SCN3A: variants seen among roughly 807,000 people sequenced by gnomAD.
The protein encoded by SCN3A is sodium channel protein type 3 subunit alpha.
A neutral mutation model predicts 187.6 loss-of-function variants in SCN3A; 60 were observed. That is an observed-to-expected ratio of 0.32 (90% confidence interval 0.26 to 0.40). The LOEUF is 0.40. Ranked by LOEUF, SCN3A falls within the 10% of genes least tolerant of loss-of-function variation. SCN3A has a pLI of 1.00. For missense variants in SCN3A, 1,601 were observed against 2,428.2 expected (o/e 0.66, Z 7.16); for synonymous variants, 788 against 829.2 (o/e 0.95, Z 0.85).
intron 15 of SCN3A, among the ~76,000 whole-genome samples, chr2:165,133,500 C>T (rs1189054137): frequency 2.0e-5 from 3 of 151,758 alleles, no homozygotes; most frequent in Non-Finnish European, 2.9e-5. Flanking sequence ...ACCTACCATG[C>T]CCAGCTAATT....
chr2:165,143,049 G>T (rs1346293291), intron 12 of SCN3A, among the ~76,000 whole-genome samples: 1 of 152,094 alleles, frequency 6.6e-6, no homozygotes, highest in Non-Finnish European at 1.5e-5. Context: ...ACCATGCCCA[G>T]CCCAGAACTA....
intron 1 of SCN3A, among the ~76,000 whole-genome samples, chr2:165,191,228 G>A (rs917172266): frequency 6.6e-6 from 1 of 151,860 alleles, no homozygotes; most frequent in Admixed American, 6.6e-5. Context: ...ATGATTTACA[G>A]CAGTATTACA....
At chr2:165,172,678 A>C (rs1690178384) in intron 3 of SCN3A, among the ~76,000 whole-genome samples, 1 of 152,156 alleles carries the variant, frequency 6.6e-6, no homozygotes, top group South Asian at 2.1e-4. Flanking sequence ...ATCTCCAAAA[A>C]CAGAGTGAAC....
intron 2 of SCN3A, among the ~76,000 whole-genome samples, chr2:165,180,924 CG>C (rs1174337970): frequency 6.6e-6 from 1 of 151,822 alleles, no homozygotes; most frequent in Non-Finnish European, 1.5e-5. Flanking sequence ...TTTTGTTTAT[CG>C]GGGGACTTAG....
At chr2:165,153,218 G>T (rs1358760712) in intron 11 of SCN3A, among the ~76,000 whole-genome samples, 1 of 152,024 alleles carries the variant, frequency 6.6e-6, no homozygotes, top group East Asian at 1.9e-4. Context: ...TTGTTTTTAT[G>T]CAGTTGGAAT....
intron 5 of SCN3A, among the ~76,000 whole-genome samples, chr2:165,166,089 G>A (rs1446576): frequency 0.23 from 34,367 of 152,062 alleles, 5,083 homozygotes; most frequent in East Asian, 0.52. Flanking sequence ...TCTGTTTCTT[G>A]TATTAGTGGT....
intron 19 of SCN3A, among the ~76,000 whole-genome samples, chr2:165,114,389 C>T (rs916393934): frequency 6.6e-6 from 1 of 152,190 alleles, no homozygotes; most frequent in South Asian, 2.1e-4. Context: ...ATCTCGCTGT[C>T]TTCCCAGGCA....
chr2:165,140,832 A>G lies in SCN3A; in HGVS notation c.1838T>C (p.Val613Ala). 2 of 1,614,140 alleles carry G rather than the reference A, an allele frequency of 1.2e-6. No individual in the cohort carries two copies. Among genetic ancestry groups the G allele is most frequent in the African/African-American group, 2.7e-5 (2 of 75,052 alleles). ...GCGTCGCTCTCCATGTCTGTGCGGC[A>G]CAAACAGTGAGTCTCTCCTGCTTTC... Reference protein sequence around the residue: ...DSESRRDSLFVPHRHGERRNS... With the variant: ...DSESRRDSLFAPHRHGERRNS... Residue 613 changes from valine to alanine, a missense_variant, in exon 13 of 28, where the codon GTG becomes GCG. This residue lies in a region of SCN3A where 376 missense variants were observed against 476.0 expected (regional missense o/e 0.79). Transcript: ENST00000283254. This position sits in a 1 kb window ranked among gnomAD's most constrained non-coding sequence, Gnocchi z 4.2.
chr2:165,130,299 G>A lies in SCN3A; in HGVS notation c.2566-3C>T. On this transcript the variant is annotated splice_polypyrimidine_tract_variant and splice_region_variant and intron_variant, in intron 16 of 27. Transcript: ENST00000283254. ...TTTGCCAACTTGAAAACTCTAAGCT[G>A]TAATCAAGTGAAAAGATGCTGTTAG... 7 of 1,613,478 alleles carry A rather than the reference G, an allele frequency of 4.3e-6. No homozygotes were observed. Among genetic ancestry groups the A allele is most frequent in the East Asian group, 2.2e-5 (1 of 44,876 alleles).
rs769077073 is a variant in SCN3A, at chr2:165,155,832, G to T, written c.1103C>A (p.Thr368Asn). The T allele has an allele frequency of 1.9e-6, 3 of 1,614,104 alleles. No individual in the cohort carries two copies. In the South Asian group the frequency reaches 3.3e-5, roughly 18 times the overall value. ...NPNYGYTSFD[T>N]FSWAFLSLFR... The stretch of plus-strand genomic sequence containing the variant: ...TAGAGACAGGAAAGCCCAGCTAAAG[G>T]TGTCAAAGCTTGTGTAGCCATAGTT... The change falls in exon 10 of 28, where the codon ACC becomes AAC. Residue 368 changes from threonine (T) to asparagine (N), a missense_variant. Thr to Asn is a moderately conservative substitution (Grantham distance 65). Around this residue, in one of 11 missense-constraint regions of SCN3A, gnomAD observed 47 missense variants for 105.8 expected, o/e 0.44. Coordinates refer to ENST00000283254, the MANE Select transcript of SCN3A (RefSeq NM_006922.4).
Position 165,096,534 on chromosome 2 carries a change from A to C in SCN3A, c.4240-14T>G, listed in dbSNP as rs746716202. 2 of 1,599,422 alleles carry C rather than the reference A, an allele frequency of 1.3e-6. No homozygotes were observed. The highest frequency in any genetic ancestry group is 1.7e-6 in the Non-Finnish European group (2 of 1,167,054). On this transcript the variant is annotated splice_polypyrimidine_tract_variant and intron_variant, in intron 23 of 27. Transcript: ENST00000283254. ...TTTAAATGTGGCCTGTAAATAACAT[A>C]TATTTGAATTGTTCATAAAAATTTC...
At position 165,089,008 on chromosome 2, in the gene SCN3A, C is replaced by A. The variant is rs896437265; in HGVS notation, c.*1142G>T. ...ATCACCAATATGTGACATTCTTTAA[C>A]CAAGACTTGTGAAGAATGGATTGAG... On this transcript the variant is annotated 3_prime_UTR_variant, in exon 28 of 28. Coordinates refer to ENST00000283254, the MANE Select transcript of SCN3A (RefSeq NM_006922.4). The A allele has an allele frequency of 6.6e-6, 1 of 152,482 alleles. No homozygotes were observed. Among genetic ancestry groups the A allele is most frequent in the Non-Finnish European group, 1.5e-5 (1 of 67,984 alleles). The allele number at this position is 152,482 out of a possible 1,614,324, so 9.4% of individuals were successfully genotyped here.
chr2:165,168,235 T>C (rs1689894287), intron 5 of SCN3A, among the ~76,000 whole-genome samples: 1 of 152,080 alleles, frequency 6.6e-6, no homozygotes, highest in African/African-American at 2.4e-5. Context: ...AGAACACATC[T>C]AAGCTGTTTC....
chr2:165,095,323 A>G (rs1183865473), intron 25 of SCN3A, among the ~76,000 whole-genome samples, 188 bp downstream of exon 25: 1 of 152,184 alleles, frequency 6.6e-6, no homozygotes, highest in Admixed American at 6.5e-5. Flanking sequence ...AAGCTATCCA[A>G]TAGATAAACT....
chr2:165,165,246 G>A (rs564008722), intron 5 of SCN3A, among the ~76,000 whole-genome samples: 58 of 148,668 alleles, frequency 3.9e-4, no homozygotes, highest in African/African-American at 1.4e-3. Context: ...CTCCCACCCT[G>A]AGTGTATGTG....
chr2:165,117,409 A>T (rs1037931137), intron 18 of SCN3A, among the ~76,000 whole-genome samples: 17 of 152,078 alleles, frequency 1.1e-4, no homozygotes, highest in African/African-American at 3.6e-4. Context: ...TTCATGCTAA[A>T]TTTTATAGAG....
chr2:165,141,340 G>A (rs903429090), intron 12 of SCN3A, among the ~76,000 whole-genome samples: 2 of 152,120 alleles, frequency 1.3e-5, no homozygotes, highest in Non-Finnish European at 2.9e-5. Flanking sequence ...GATGGGAATG[G>A]TGGTTAAACA....
chr2:165,142,629 A>C (rs955612579), intron 12 of SCN3A, among the ~76,000 whole-genome samples: 1 of 152,182 alleles, frequency 6.6e-6, no homozygotes, highest in African/African-American at 2.4e-5. Context: ...TGAAGACATC[A>C]ATTCATCCCC....
rs1412303887 is a variant in SCN3A at position 165,090,620 on chromosome 2, C to T, written c.5533G>A (p.Asp1845Asn). 6 of 1,613,910 alleles carry T rather than the reference C, an allele frequency of 3.7e-6. No homozygotes were observed. In the African/African-American group the frequency reaches 8.0e-5, roughly 22 times the overall value. Residue 1845 changes from aspartate (D) to asparagine (N), a missense_variant, in exon 28 of 28, where the codon GAC becomes AAC. Asp to Asn is a conservative substitution (Grantham distance 23). This residue lies in a region of SCN3A where 110 missense variants were observed against 175.9 expected (regional missense o/e 0.63). Transcript: ENST00000283254. The surrounding 1 kb of genome is among the most constrained non-coding windows in gnomAD (Gnocchi z 4.0). ...AAAATATCAAGACAGTGGATCCGGT[C>T]ACCACTGACCATGGGCAGATCCATG... ...IAMDLPMVSG[D>N]RIHCLDILFA...
Sources: allele counts gnomAD v4.1 joint callset (sites outside exome capture counted in the v4.1 genomes callset), GRCh38; gene constraint gnomAD v4.1.1; regional missense constraint gnomAD v4.1.1; non-coding constraint Gnocchi (gnomAD v3.1); transcripts MANE v1.5; gene names NCBI Gene and HGNC (gene_info 2026-07-23, HGNC 2026-07-21).